CNOT7: variants seen among roughly 807,000 people sequenced by gnomAD.
CNOT7 encodes the protein CCR4-NOT transcription complex subunit 7, also known as BTG1-binding factor 1.
In CNOT7, 4 loss-of-function variants were observed where a neutral mutation model predicts 37.1. The observed-to-expected ratio is 0.11, with a 90% CI of 0.05 to 0.25. The LOEUF (loss-of-function observed/expected upper bound fraction) is 0.25. Among genes scored for constraint, CNOT7 ranks in the 10% least tolerant of loss-of-function variants. The pLI is 1.00. For synonymous variants in CNOT7, 128 were observed against 115.6 expected (o/e 1.11, Z -0.69); for missense variants, 170 against 336.2 (o/e 0.51, Z 3.87).
rs1049784926 is a variant in CNOT7, at chr8:17,228,237, G to C, written c.*2483C>G. ...CCATAGTTTGACAACCCTTGCTCTA[G>C]TAGATTTAACAGAATATATGAGCCT... is the stretch of plus-strand genomic sequence containing the variant. On this transcript the variant is annotated 3_prime_UTR_variant, in exon 7 of 7. Coordinates refer to ENST00000361272, the MANE Select transcript of CNOT7 (RefSeq NM_013354.7). 6 of 151,856 alleles carry C rather than the reference G, an allele frequency of 4.0e-5. No individual in the cohort carries two copies. The highest frequency in any genetic ancestry group is 1.4e-4 in the African/African-American group (6 of 41,408). The allele number at this position is 151,856 out of a possible 1,614,324, so 9.4% of individuals were successfully genotyped here.
chr8:17,232,292 T>G, intron 6 of CNOT7, 135 bp downstream of exon 6: 2 of 1,524,900 alleles, frequency 1.3e-6, no homozygotes, highest in East Asian at 4.7e-5. Flanking sequence ...TTAAGTGTGG[T>G]GGATGTGACT....
intron 4 of CNOT7, among the ~76,000 whole-genome samples, 162 bp downstream of exon 4, chr8:17,237,050 T>C (rs556028534): frequency 7.4e-4 from 113 of 152,314 alleles, no homozygotes; most frequent in Admixed American, 1.6e-3. Context: ...AATTAACCTT[T>C]AAGCAGACCA....
chr8:17,245,356 T>C (rs895414338), intron 1 of CNOT7, 109 bp from the exon 2 acceptor site: 2 of 372,598 alleles, frequency 5.4e-6, no homozygotes, highest in Non-Finnish European at 4.5e-6. Context: ...TCTTGACTCA[T>C]AAAAAAAAAA....
intron 5 of CNOT7, 67 bp downstream of exon 5, chr8:17,234,649 A>C (rs749022518): frequency 6.0e-6 from 9 of 1,488,580 alleles, no homozygotes; most frequent in South Asian, 2.3e-5. Context: ...ATCCCAGCCT[A>C]GGCTCGCATG....
In CNOT7 at chr8:17,226,991, G is replaced by T. The variant is rs74411528; in HGVS notation, c.*3729C>A. 2.8e-5 allele frequency: 4 copies of T among 145,118 alleles called. No individual in the cohort carries two copies. Among genetic ancestry groups the T allele is most frequent in the African/African-American group, 9.8e-5 (4 of 40,760 alleles). 9.0% of individuals were successfully genotyped at this position (145,118 alleles called of 1,614,324 possible). ...ACGCCTGTGTGGCAAATCAAATCAG[G>T]ATATTCAGCTTCTGTTTCTCACAAA... On this transcript the variant is annotated 3_prime_UTR_variant, in exon 7 of 7. Transcript: ENST00000361272.
chr8:17,236,705 C>T (rs1809408856), intron 4 of CNOT7, among the ~76,000 whole-genome samples: 1 of 152,166 alleles, frequency 6.6e-6, no homozygotes, highest in African/African-American at 2.4e-5. Flanking sequence ...AACGTGAACT[C>T]CATTTTTAAA....
rs374031486 is a variant in CNOT7, at chr8:17,237,204, C to T, written c.473+8G>A. The T allele has an allele frequency of 2.5e-6, 4 of 1,612,576 alleles. No homozygotes were observed. The highest frequency in any genetic ancestry group is 1.3e-5 in the African/African-American group (1 of 74,940). On this transcript the variant is annotated splice_region_variant and intron_variant, in intron 4 of 6. Transcript: ENST00000361272. ...AAACAAATGCCATTTTCAATGTAGT[C>T]GTTTTACCTATGAAATGACAACCAT...
chr8:17,245,062 T>G lies in CNOT7; in HGVS notation c.91A>C (p.Ile31Leu). 6.2e-7 allele frequency: 1 copy of G among 1,613,772 alleles called. No individual in the cohort carries two copies. The highest frequency in any genetic ancestry group is 2.2e-5 in the East Asian group (1 of 44,874). ...ATAGCAACGTAATTATATTTTCGGA[T>G]AACTTGACGAATTTTCTTCATCTCT... ...DEEMKKIRQV[I>L]RKYNYVAMDT... The change falls in exon 2 of 7, where the codon ATC becomes CTC. Residue 31 changes from isoleucine (I) to leucine (L), a missense_variant. This residue lies in a region of CNOT7 where 38 missense variants were observed against 36.9 expected (regional missense o/e 1.03). Transcript: ENST00000361272.
chr8:17,232,383 C>T (rs1473175744), intron 6 of CNOT7, 44 bp downstream of exon 6: 10 of 1,613,098 alleles, frequency 6.2e-6, no homozygotes, highest in Non-Finnish European at 7.6e-6. Context: ...TTAATGTTCT[C>T]AACCTAACAA....
At chr8:17,238,630 A>T (rs953265487) in intron 3 of CNOT7, among the ~76,000 whole-genome samples, 1 of 152,078 alleles carries the variant, frequency 6.6e-6, no homozygotes. Context: ...CTTAGCAACT[A>T]TAAGCAATGA....
chr8:17,234,011 G>T (rs551395217), intron 5 of CNOT7, among the ~76,000 whole-genome samples: 1 of 152,068 alleles, frequency 6.6e-6, no homozygotes, highest in Admixed American at 6.5e-5. Context: ...CCGAGACCAC[G>T]CCACTGCACT....
In CNOT7 at chr8:17,239,227, A is replaced by G. The variant is rs981370779; in HGVS notation, c.312-1854T>C. On this transcript the variant is annotated intron_variant, in intron 3 of 6. Coordinates refer to ENST00000361272, the MANE Select transcript of CNOT7 (RefSeq NM_013354.7). ...GCCACCATGCCTGGCTAATTTTTCT[A>G]TTTTTGTAGACAGGGTTTTGCCATG... Among the ~76,000 whole-genome samples the G allele has an allele frequency of 1.7e-4, 26 of 151,676 alleles. 1 individual carries two copies. Among genetic ancestry groups the G allele is most frequent in the Admixed American group, 8.5e-4 (13 of 15,244 alleles).
At chr8:17,240,576 A>G (rs1810026920) in intron 3 of CNOT7, among the ~76,000 whole-genome samples, 1 of 152,234 alleles carries the variant, frequency 6.6e-6, no homozygotes, top group African/African-American at 2.4e-5. Flanking sequence ...ACTCGAACAA[A>G]GGTGTTTCTA....
chr8:17,243,031 C>G lies in CNOT7; in HGVS notation c.272G>C (p.Gly91Ala), dbSNP rs1267476160. The change falls in exon 3 of 7, where the codon GGA becomes GCA. Residue 91 changes from glycine to alanine, a missense_variant. By Grantham distance (60) the Gly-to-Ala change is moderately conservative (BLOSUM62 0). Coordinates refer to ENST00000361272, the MANE Select transcript of CNOT7 (RefSeq NM_013354.7). ...FMNEQGEYPP[G>A]TSTWQFNFKF... ...AAAATTAAACTGCCAAGTTGAAGTT[C>G]CTGGAGGGTATTCTCCTTGCTCATT... 6.2e-7 allele frequency: 1 copy of G among 1,604,006 alleles called. No homozygotes were observed. Among genetic ancestry groups the G allele is most frequent in the East Asian group, 2.3e-5 (1 of 44,122 alleles).
At chr8:17,231,888 G>C in intron 6 of CNOT7, 2 of 986,046 alleles carry the variant, frequency 2.0e-6, no homozygotes, top group South Asian at 9.4e-5. Flanking sequence ...GATCCCTTCG[G>C]AATTCAACCC....
Position 17,237,268 on chromosome 8 carries a change from A to G in CNOT7, c.417T>C (p.Leu139=), listed in dbSNP as rs1198213793. 2 of 1,614,090 alleles carry G rather than the reference A, an allele frequency of 1.2e-6. No individual in the cohort carries two copies. Among genetic ancestry groups the G allele is most frequent in the Non-Finnish European group, 1.7e-6 (2 of 1,179,962 alleles). Residue 139 remains leucine (L), a synonymous_variant, in exon 4 of 7, where the codon CTT becomes CTC. Transcript: ENST00000361272. ...EGIETQYFAE[L]LMTSGVVLCE... is the part of the protein sequence containing the mutation. Reference sequence around the variant, plus strand: ...AGAGGACCACTCCAGAAGTCATAAGAAGTTCTGCAAAGTACTGGGTTTCAA... The same window carrying G: ...AGAGGACCACTCCAGAAGTCATAAGGAGTTCTGCAAAGTACTGGGTTTCAA...
chr8:17,232,405 A>G lies in CNOT7; in HGVS notation c.729+22T>C, dbSNP rs1468527532. The G allele has an allele frequency of 1.2e-5, 19 of 1,613,484 alleles. No homozygotes were observed. The Admixed American group carries it at 3.2e-4, about 27-fold the overall frequency. On this transcript the variant is annotated intron_variant, in intron 6 of 6. Transcript: ENST00000361272. ...TCTCAACCTAACAACCAACTGAGAA[A>G]AAGGCAGTGATGTCTTCATACTTCT...
chr8:17,235,048 A>T (rs1315361099), intron 4 of CNOT7, among the ~76,000 whole-genome samples, 188 bp from the exon 5 acceptor site: 4 of 152,216 alleles, frequency 2.6e-5, no homozygotes, highest in Non-Finnish European at 5.9e-5. Flanking sequence ...GTCATCTTAC[A>T]GTATTAAGAA....
intron 4 of CNOT7, 119 bp downstream of exon 4, chr8:17,237,093 T>C: frequency 1.1e-6 from 1 of 941,096 alleles, no homozygotes; most frequent in South Asian, 1.5e-5. Context: ...GAGACAACTC[T>C]ATATGGCAGT....
Sources: gnomAD v4.1 joint callset for allele counts (sites outside exome capture counted in the v4.1 genomes callset) on GRCh38, gnomAD v4.1.1 for gene constraint, gnomAD v4.1.1 regional missense constraint, MANE v1.5 for transcripts, NCBI Gene and HGNC (gene_info 2026-07-23, HGNC 2026-07-21) for gene names.